The following RBFOX1 variants were observed in gnomAD, a reference collection of about 807,000 sequenced individuals.
RBFOX1 encodes RNA binding protein fox-1 homolog 1.
RBFOX1 carries 8 observed loss-of-function variants against 57.7 expected under a neutral mutation model. The ratio of observed to expected loss-of-function variants is 0.14; its 90% CI spans 0.08 to 0.25. RBFOX1 has a LOEUF of 0.25. Among genes scored for constraint, RBFOX1 ranks in the 10% least tolerant of loss-of-function variants. The pLI is 1.00. For synonymous variants in RBFOX1, 326 were observed against 222.4 expected, an observed-to-expected ratio of 1.47 and a Z score of -4.15; for missense variants, 611 against 548.5, an observed-to-expected ratio of 1.11 and a Z score of -1.14.
chr16:6,425,495 G>A (rs1010233814), intron 2 of RBFOX1, among the ~76,000 whole-genome samples: 3 of 152,176 alleles, frequency 2.0e-5, no homozygotes, highest in Admixed American at 1.3e-4. Context: ...GCTGTGTTGT[G>A]TATAAGGGTC....
intron 4 of RBFOX1, among the ~76,000 whole-genome samples, chr16:7,464,257 G>A (rs891321387): frequency 6.6e-6 from 1 of 152,194 alleles, no homozygotes; most frequent in African/African-American, 2.4e-5. Flanking sequence ...ATGGTGGACA[G>A]TTTAGCCATT....
chr16:7,205,792 C>T (rs1461700581), intron 4 of RBFOX1, among the ~76,000 whole-genome samples: 1 of 152,212 alleles, frequency 6.6e-6, no homozygotes, highest in African/African-American at 2.4e-5. Context: ...CAGTGATTAT[C>T]TGTATGAGGT....
At chr16:6,069,299 G>A (rs2095805721) in intron 1 of RBFOX1, among the ~76,000 whole-genome samples, 1 of 151,622 alleles carries the variant, frequency 6.6e-6, no homozygotes, top group Non-Finnish European at 1.5e-5. Context: ...TCGGGAGGCT[G>A]AGGCAGGAGA....
chr16:6,738,042 A>T (rs891913429), intron 3 of RBFOX1, among the ~76,000 whole-genome samples: 1 of 151,444 alleles, frequency 6.6e-6, no homozygotes, highest in Non-Finnish European at 1.5e-5. Context: ...AAACAAAAAC[A>T]CAAAGGACTT....
chr16:6,895,448 GTA>G (rs71147622), intron 3 of RBFOX1, among the ~76,000 whole-genome samples: 1,418 of 54,226 alleles, frequency 0.026, 18 homozygotes, highest in Non-Finnish European at 0.035. Context: ...GTGTGTGTGT[GTA>G]TATATATATA....
At chr16:5,387,298 T>G (rs990561966) in intron 1 of RBFOX1, among the ~76,000 whole-genome samples, 3 of 152,204 alleles carry the variant, frequency 2.0e-5, no homozygotes, top group Non-Finnish European at 4.4e-5. Context: ...GTAATAGAAT[T>G]CTTCCACCCC....
At chr16:5,807,667 C>A (rs2055276242) in intron 3 of RBFOX1, among the ~76,000 whole-genome samples, 1 of 152,152 alleles carries the variant, frequency 6.6e-6, no homozygotes, top group African/African-American at 2.4e-5. Flanking sequence ...TTCTGGAAGT[C>A]CTGGCTTCTG....
At chr16:6,490,448 G>A (rs542838724) in intron 2 of RBFOX1, among the ~76,000 whole-genome samples, 4 of 152,292 alleles carry the variant, frequency 2.6e-5, no homozygotes, top group African/African-American at 9.6e-5. Flanking sequence ...ACAAGCCACC[G>A]TGGTGGGAAA....
At chr16:7,466,348 A>G (rs950703029) in intron 4 of RBFOX1, among the ~76,000 whole-genome samples, 4 of 148,736 alleles carry the variant, frequency 2.7e-5, no homozygotes, top group African/African-American at 7.4e-5. Flanking sequence ...TGCTTATTTC[A>G]TGCCAAGCTA....
At chr16:7,445,697 A>G (rs923405797) in intron 4 of RBFOX1, among the ~76,000 whole-genome samples, 1 of 152,140 alleles carries the variant, frequency 6.6e-6, no homozygotes, top group Non-Finnish European at 1.5e-5. Context: ...TGTTGCTGTT[A>G]CTGTTGTTGT....
chr16:6,954,875 C>A (rs1355810084), intron 3 of RBFOX1, among the ~76,000 whole-genome samples: 1 of 152,084 alleles, frequency 6.6e-6, no homozygotes, highest in Admixed American at 6.6e-5. Flanking sequence ...TCTATCAATT[C>A]ATGTGTCCTC....
chr16:6,647,440 G>T (rs116714479), intron 2 of RBFOX1, among the ~76,000 whole-genome samples: 4 of 151,982 alleles, frequency 2.6e-5, no homozygotes, highest in African/African-American at 9.7e-5. Context: ...ATCCAATGGG[G>T]TTTCACCTTG....
At chr16:6,104,132 A>AAC (rs112249231) in intron 1 of RBFOX1, among the ~76,000 whole-genome samples, 6,493 of 148,344 alleles carry the variant, frequency 0.044, 174 homozygotes, top group African/African-American at 0.066. Context: ...TCCCAGTTGA[A>AAC]ACACACACAC....
intron 1 of RBFOX1, among the ~76,000 whole-genome samples, chr16:5,250,912 G>T (rs1190574597): frequency 1.3e-5 from 2 of 152,174 alleles, no homozygotes; most frequent in Non-Finnish European, 2.9e-5. Context: ...TGGATCAGAG[G>T]GGGATCTGTG....
At chr16:6,443,645 A>T (rs1265022212) in intron 2 of RBFOX1, among the ~76,000 whole-genome samples, 2 of 152,338 alleles carry the variant, frequency 1.3e-5, no homozygotes, top group East Asian at 3.9e-4. Context: ...GTTACCAAGG[A>T]TGCAATTTTA....
intron 14 of RBFOX1, among the ~76,000 whole-genome samples, chr16:7,701,926 C>T (rs892391712): frequency 5.3e-5 from 8 of 152,170 alleles, no homozygotes; most frequent in African/African-American, 1.9e-4. Flanking sequence ...CCTGTTGCAG[C>T]AAACCAGGGT....
chr16:5,385,455 A>G (rs1325628758), intron 1 of RBFOX1, among the ~76,000 whole-genome samples: 1 of 152,238 alleles, frequency 6.6e-6, no homozygotes, highest in Non-Finnish European at 1.5e-5. Context: ...CACTTTGAGC[A>G]GAGAGTACTT....
chr16:6,320,666 T>C (rs1016307230), intron 2 of RBFOX1, among the ~76,000 whole-genome samples: 5 of 152,174 alleles, frequency 3.3e-5, no homozygotes, highest in Admixed American at 1.3e-4. Context: ...TTATCTGTGC[T>C]GTTCAATATG....
At chr16:6,206,661 C>A (rs1028769437) in intron 1 of RBFOX1, among the ~76,000 whole-genome samples, 2 of 152,168 alleles carry the variant, frequency 1.3e-5, no homozygotes, top group African/African-American at 4.8e-5. Flanking sequence ...ATACACTCAT[C>A]AGAAGTTGCA....
Sources: allele counts gnomAD v4.1 joint callset (sites outside exome capture counted in the v4.1 genomes callset), GRCh38; gene constraint gnomAD v4.1.1; transcripts MANE v1.5; gene names NCBI Gene and HGNC (gene_info 2026-07-23, HGNC 2026-07-21).